The following SNTG1 variants were observed in gnomAD, a reference collection of about 807,000 sequenced individuals.
The protein encoded by SNTG1 is gamma-1-syntrophin.
In SNTG1, 39 loss-of-function variants were observed where a neutral mutation model predicts 74.7. That is an observed-to-expected ratio of 0.52 (90% CI 0.40 to 0.68). The LOEUF (loss-of-function observed/expected upper bound fraction) is 0.68. Ranked by LOEUF, SNTG1 falls within the 30% of genes least tolerant of loss-of-function variation. The pLI, the probability that SNTG1 is intolerant of heterozygous loss-of-function variation, is 0.00. For synonymous variants in SNTG1, 254 were observed against 217.1 expected (o/e 1.17, Z -1.49); for missense variants, 685 against 609.5 (o/e 1.12, Z -1.30).
At chr8:50,580,529 A>G (rs576259309) in intron 12 of SNTG1, among the ~76,000 whole-genome samples, 38 of 152,100 alleles carry the variant, frequency 2.5e-4, no homozygotes, top group Non-Finnish European at 4.1e-4. Flanking sequence ...CCATTAGCCC[A>G]ATGTGTCATG....
intron 9 of SNTG1, among the ~76,000 whole-genome samples, chr8:50,529,824 A>T (rs1273471358): frequency 6.6e-6 from 1 of 151,902 alleles, no homozygotes; most frequent in Non-Finnish European, 1.5e-5. Flanking sequence ...ATTAAATAGA[A>T]CTCTGTAGAC....
intron 2 of SNTG1, among the ~76,000 whole-genome samples, chr8:50,343,939 A>T (rs2091394661): frequency 2.0e-5 from 3 of 149,894 alleles, no homozygotes; most frequent in Admixed American, 6.6e-5. Context: ...ACAATTTAGG[A>T]ATAAGATGGC....
chr8:50,510,412 G>A (rs1245634610), intron 9 of SNTG1, among the ~76,000 whole-genome samples: 1 of 152,148 alleles, frequency 6.6e-6, no homozygotes, highest in East Asian at 1.9e-4. Flanking sequence ...TTTGTTATCA[G>A]GATGATGCTG....
chr8:50,678,554 C>G (rs986307826), intron 15 of SNTG1, among the ~76,000 whole-genome samples: 1 of 152,072 alleles, frequency 6.6e-6, no homozygotes, highest in East Asian at 1.9e-4. Flanking sequence ...AGGAACATAT[C>G]TACTTGATTT....
At chr8:49,934,280 GATCTATCT>G (rs6150575) in intron 1 of SNTG1, among the ~76,000 whole-genome samples, 54,313 of 146,198 alleles carry the variant, frequency 0.37, 10,128 homozygotes, top group South Asian at 0.42. Flanking sequence ...ATACTATATA[GATCTATCT>G]ATCTATCTAT....
chr8:50,243,640 T>C (rs977309160), intron 2 of SNTG1, among the ~76,000 whole-genome samples: 1 of 151,640 alleles, frequency 6.6e-6, no homozygotes, highest in Non-Finnish European at 1.5e-5. Flanking sequence ...TAAGAGCAAA[T>C]GTGATGCATT....
chr8:50,709,504 G>A (rs1182451847), intron 17 of SNTG1, among the ~76,000 whole-genome samples: 1 of 152,054 alleles, frequency 6.6e-6, no homozygotes, highest in African/African-American at 2.4e-5. Context: ...TGCACTATGA[G>A]GTGCTCTTTT....
At chr8:50,107,104 A>G (rs1184198319) in intron 1 of SNTG1, among the ~76,000 whole-genome samples, 1 of 152,168 alleles carries the variant, frequency 6.6e-6, no homozygotes, top group Admixed American at 6.6e-5. Flanking sequence ...CAGAATGTAA[A>G]ATTTTATTCT....
rs1033251019 is a variant in SNTG1, at chr8:50,426,761, C to T, written c.163-11782C>T. Among the ~76,000 whole-genome samples, 11 of 152,028 alleles carry T rather than the reference C, an allele frequency of 7.2e-5. No homozygotes were observed. The East Asian group carries it at 2.1e-3, about 29-fold the overall frequency. ...CAATCACTCACCACTTACTCACTGC[C>T]TCACCTAGAGCAACTTCCATTCTTG... On this transcript the variant is annotated intron_variant, in intron 4 of 18. Coordinates refer to ENST00000642720, the MANE Select transcript of SNTG1 (RefSeq NM_018967.5).
intron 4 of SNTG1, among the ~76,000 whole-genome samples, chr8:50,410,124 T>A (rs767457701): frequency 5.3e-5 from 8 of 152,242 alleles, no homozygotes; most frequent in Non-Finnish European, 8.8e-5. Flanking sequence ...GGCTTTCACA[T>A]GGGTGTGACA....
At chr8:50,092,263 A>T (rs1217317033) in intron 1 of SNTG1, among the ~76,000 whole-genome samples, 2 of 152,122 alleles carry the variant, frequency 1.3e-5, no homozygotes, top group Non-Finnish European at 1.5e-5. Context: ...CCTTAATTAG[A>T]TGGTCATTGC....
intron 17 of SNTG1, among the ~76,000 whole-genome samples, chr8:50,744,847 C>A (rs1435207610): frequency 2.6e-5 from 4 of 151,892 alleles, no homozygotes; most frequent in African/African-American, 4.8e-5. Context: ...AAAATACTCA[C>A]CTGCAAAAGG....
chr8:50,328,993 G>C (rs768013532), intron 2 of SNTG1, among the ~76,000 whole-genome samples: 22 of 152,166 alleles, frequency 1.4e-4, no homozygotes, highest in Admixed American at 5.2e-4. Context: ...CCAAATGGGA[G>C]AAATTGGCCA....
At chr8:49,966,702 G>C (rs1288664361) in intron 1 of SNTG1, among the ~76,000 whole-genome samples, 1 of 151,932 alleles carries the variant, frequency 6.6e-6, no homozygotes, top group African/African-American at 2.4e-5. Flanking sequence ...GCCTATTCCA[G>C]TCTTTTTGAC....
At chr8:50,626,954 G>T (rs1213363442) in intron 13 of SNTG1, among the ~76,000 whole-genome samples, 1 of 151,994 alleles carries the variant, frequency 6.6e-6, no homozygotes, top group East Asian at 1.9e-4. Context: ...ATATATTAAG[G>T]TCTCATCTTA....
chr8:50,788,812 CTTGAG>C (rs1178200841), intron 18 of SNTG1, among the ~76,000 whole-genome samples: 4 of 152,000 alleles, frequency 2.6e-5, no homozygotes, highest in African/African-American at 9.6e-5. Context: ...ACCCACCTTC[CTTGAG>C]TTGTACCCAT....
chr8:49,971,575 G>T (rs892125313), intron 1 of SNTG1, among the ~76,000 whole-genome samples: 4 of 152,144 alleles, frequency 2.6e-5, no homozygotes, highest in African/African-American at 9.7e-5. Context: ...AAGTCAAATT[G>T]TCCCTGTTTG....
chr8:50,452,316 T>A (rs988041566), intron 8 of SNTG1, among the ~76,000 whole-genome samples: 1 of 152,240 alleles, frequency 6.6e-6, no homozygotes, highest in African/African-American at 2.4e-5. Flanking sequence ...AACAAGTTTG[T>A]AAACAAGTGA....
intron 1 of SNTG1, among the ~76,000 whole-genome samples, chr8:50,090,210 G>T (rs186948838): frequency 6.6e-6 from 1 of 152,044 alleles, no homozygotes; most frequent in Non-Finnish European, 1.5e-5. Context: ...TATTACTCAG[G>T]CTGTTTCACT....
Sources: allele counts gnomAD v4.1 joint callset (sites outside exome capture counted in the v4.1 genomes callset), GRCh38; gene constraint gnomAD v4.1.1; transcripts MANE v1.5; gene names NCBI Gene and HGNC (gene_info 2026-07-23, HGNC 2026-07-21).